The following OTOF variants were observed in gnomAD, a reference collection of about 807,000 sequenced individuals.
OTOF encodes the protein otoferlin.
Under a neutral mutation model 236.8 loss-of-function variants are expected in OTOF, and 218 were observed. The ratio of observed to expected loss-of-function variants is 0.92; its 90% CI spans 0.82 to 1.03. The LOEUF (loss-of-function observed/expected upper bound fraction) is 1.03, where lower values mean the gene tolerates loss of function less well. Among genes scored for constraint, OTOF ranks in the 50% least tolerant of loss-of-function variants. OTOF has a pLI of 0.00. For missense variants in OTOF, 2,590 were observed against 2,694.4 expected (o/e 0.96, Z 0.86); for synonymous variants, 1,041 against 1,072.5 (o/e 0.97, Z 0.57).
Position 26,477,270 on chromosome 2 carries a change from C to A in OTOF, c.2425G>T (p.Ala809Ser). 6.2e-7 allele frequency: 1 copy of A among 1,609,264 alleles called. No homozygotes were observed. Residue 809 changes from alanine (A) to serine (S), a missense_variant, in exon 21 of 47, where the codon GCC becomes TCC. Physicochemically the swap from Ala to Ser is moderately conservative, Grantham distance 99. Coordinates refer to ENST00000272371, the MANE Select transcript of OTOF (RefSeq NM_194248.3). This position sits in a 1 kb window ranked among gnomAD's most constrained non-coding sequence, Gnocchi z 4.7. ...TTCACCTGGGCCCGCAGCATCCTGG[C>A]CTGCTGCCCCATGTTTTCCTGCGAA... Reference protein sequence around the residue: ...MRELENMGQQARMLRAQVKRH... With the variant: ...MRELENMGQQSRMLRAQVKRH...
Position 26,470,930 on chromosome 2 carries a change from G to A in OTOF, c.3894+191C>T, listed in dbSNP as rs1373064373. On this transcript the variant is annotated intron_variant, in intron 31 of 46. Coordinates refer to ENST00000272371, the MANE Select transcript of OTOF (RefSeq NM_194248.3). This position sits in a 1 kb window ranked among gnomAD's most constrained non-coding sequence, Gnocchi z 4.3. ...TGTGACCTGCCAGTGCGATCCACTCGCCCAAGCAGGACTGGCACCGAGTCC... is the reference window on the plus strand; with the variant it reads ...TGTGACCTGCCAGTGCGATCCACTCACCCAAGCAGGACTGGCACCGAGTCC... Among the ~76,000 whole-genome samples the A allele has an allele frequency of 6.6e-6, 1 of 152,088 alleles. No homozygotes were observed. The highest frequency in any genetic ancestry group is 1.9e-4 in the East Asian group (1 of 5,186).
intron 3 of OTOF, among the ~76,000 whole-genome samples, chr2:26,524,776 A>C (rs1019400603): frequency 1.3e-5 from 2 of 152,216 alleles, no homozygotes; most frequent in African/African-American, 4.8e-5. Flanking sequence ...AAGTTAACAG[A>C]CATGCATTCT....
Position 26,462,318 on chromosome 2 carries a change from A to C in OTOF, c.5193-137T>G. 1 of 630,668 alleles carries C rather than the reference A, an allele frequency of 1.6e-6. No individual in the cohort carries two copies. Among genetic ancestry groups the C allele is most frequent in the Non-Finnish European group, 2.8e-6 (1 of 351,708 alleles). The allele number at this position is 630,668 out of a possible 1,614,324, so 39.1% of individuals were successfully genotyped here. Reference sequence around the variant, plus strand: ...AGGGCCTGGGCCAGGCTGGGGCTGGAGGAGTGGTTTGGGGTTGGGGGAGCA... The same window carrying C: ...AGGGCCTGGGCCAGGCTGGGGCTGGCGGAGTGGTTTGGGGTTGGGGGAGCA... On this transcript the variant is annotated intron_variant, in intron 41 of 46. Coordinates refer to ENST00000272371, the MANE Select transcript of OTOF (RefSeq NM_194248.3). The surrounding 1 kb of genome is among the most constrained non-coding windows in gnomAD (Gnocchi z 4.7).
chr2:26,458,243 C>T (rs1204582731), intron 46 of OTOF, 23 bp from the exon 47 acceptor site: 6 of 1,557,762 alleles, frequency 3.9e-6, no homozygotes, highest in African/African-American at 1.4e-5. Flanking sequence ...AGAGAGGAGC[C>T]GGTCAGCCAG....
At position 26,477,861 on chromosome 2, in the gene OTOF, C is replaced by T. The variant is rs1037666752; in HGVS notation, c.2215-112G>A. The T allele has an allele frequency of 3.2e-6, 5 of 1,555,888 alleles. No homozygotes were observed. Among genetic ancestry groups the T allele is most frequent in the Non-Finnish European group, 4.3e-6 (5 of 1,149,940 alleles). On this transcript the variant is annotated intron_variant, in intron 18 of 46. Coordinates refer to ENST00000272371, the MANE Select transcript of OTOF (RefSeq NM_194248.3). The surrounding 1 kb of genome is among the most constrained non-coding windows in gnomAD (Gnocchi z 4.7). ...TGAGGGACCTCATGATCTGGGAGCTCTCGCTAGGGCCATCCTGAGTATCGG... is the reference window on the plus strand; with the variant it reads ...TGAGGGACCTCATGATCTGGGAGCTTTCGCTAGGGCCATCCTGAGTATCGG...
At chr2:26,554,857 A>G (rs908900939) in intron 1 of OTOF, among the ~76,000 whole-genome samples, 1 of 152,172 alleles carries the variant, frequency 6.6e-6, no homozygotes, top group African/African-American at 2.4e-5. Flanking sequence ...AGCCACAGTG[A>G]ATTATGTGGA....
In OTOF at chr2:26,477,144, G is replaced by A; in HGVS notation, c.2523+28C>T. 2 of 1,600,324 alleles carry A rather than the reference G, an allele frequency of 1.2e-6. No individual in the cohort carries two copies. Among genetic ancestry groups the A allele is most frequent in the South Asian group, 2.2e-5 (2 of 90,166 alleles). On this transcript the variant is annotated intron_variant, in intron 21 of 46. Transcript: ENST00000272371. This position sits in a 1 kb window ranked among gnomAD's most constrained non-coding sequence, Gnocchi z 4.7. ...GCCCCAGAGAGCCAGCCCTGGATGA[G>A]GCAAAGCCCCGACCCCTTGGGCCGC... is the stretch of plus-strand genomic sequence containing the variant.
rs1558485843 is a variant in OTOF at position 26,477,522 on chromosome 2, GC to G, written c.2316-17del. 1.9e-6 allele frequency: 3 copies of G among 1,599,134 alleles called. No individual in the cohort carries two copies. The South Asian group carries it at 3.4e-5, about 18-fold the overall frequency. ...GAGGAAGCGGCTGGGGGTAGGGCGA[GC>G]CGGGGTTTAGCGAGCCTGACCAGCA... On this transcript the variant is annotated splice_polypyrimidine_tract_variant and intron_variant, in intron 19 of 46. Transcript: ENST00000272371. This position sits in a 1 kb window ranked among gnomAD's most constrained non-coding sequence, Gnocchi z 4.7.
chr2:26,545,563 T>C (rs1667311416), intron 1 of OTOF, among the ~76,000 whole-genome samples: 1 of 152,174 alleles, frequency 6.6e-6, no homozygotes, highest in African/African-American at 2.4e-5. Context: ...TGCAAGTTTT[T>C]AGTGAAATTT....
intron 1 of OTOF, among the ~76,000 whole-genome samples, chr2:26,555,012 C>A (rs2148139873): frequency 6.6e-6 from 1 of 152,274 alleles, no homozygotes; most frequent in African/African-American, 2.4e-5. Flanking sequence ...CCTTACAGTC[C>A]AGGTCCCCCA....
At position 26,477,162 on chromosome 2, in the gene OTOF, T is replaced by C. The variant is rs1166948560; in HGVS notation, c.2523+10A>G. On this transcript the variant is annotated intron_variant, in intron 21 of 46. Coordinates refer to ENST00000272371, the MANE Select transcript of OTOF (RefSeq NM_194248.3). The surrounding 1 kb of genome is among the most constrained non-coding windows in gnomAD (Gnocchi z 4.7). ...TGGATGAGGCAAAGCCCCGACCCCT[T>C]GGGCCGCACCTCGTCCGCCAGGAAG... 1.9e-6 allele frequency: 3 copies of C among 1,607,906 alleles called. No individual in the cohort carries two copies. The highest frequency in any genetic ancestry group is 2.5e-6 in the Non-Finnish European group (3 of 1,178,296).
At chr2:26,513,492 G>C (rs1484383296) in intron 5 of OTOF, among the ~76,000 whole-genome samples, 1 of 152,132 alleles carries the variant, frequency 6.6e-6, no homozygotes, top group African/African-American at 2.4e-5. Context: ...TGCCCACTCA[G>C]TCTACCTCCC....
chr2:26,479,605 C>A lies in OTOF; in HGVS notation c.1961G>T (p.Arg654Leu). ...VDGLSRPQRP[R>L]PRKEPGDEEE... is the part of the protein sequence containing the mutation. The stretch of plus-strand genomic sequence containing the variant: ...CTCATCCCCCGGCTCCTTCCGGGGC[C>A]GAGGCCGCTGGGGCCGGGACAGGCC... The change falls in exon 17 of 47, where the codon CGG becomes CTG. Residue 654 changes from arginine to leucine, a missense_variant. Physicochemically the swap from Arg to Leu is moderately radical, Grantham distance 102. Coordinates refer to ENST00000272371, the MANE Select transcript of OTOF (RefSeq NM_194248.3). 1 of 1,612,424 alleles carries A rather than the reference C, an allele frequency of 6.2e-7. No individual in the cohort carries two copies. Among genetic ancestry groups the A allele is most frequent in the Non-Finnish European group, 8.5e-7 (1 of 1,179,722 alleles).
At chr2:26,536,521 C>T (rs893991945) in intron 2 of OTOF, among the ~76,000 whole-genome samples, 2 of 152,076 alleles carry the variant, frequency 1.3e-5, no homozygotes, top group African/African-American at 2.4e-5. Flanking sequence ...GAGTGAGGAG[C>T]GAGGTTTTGC....
chr2:26,552,368 C>T (rs535755972), intron 1 of OTOF, among the ~76,000 whole-genome samples: 46 of 152,002 alleles, frequency 3.0e-4, no homozygotes, highest in East Asian at 1.9e-3. Flanking sequence ...CCAGCGTGGG[C>T]GACAGAAAAA....
intron 9 of OTOF, among the ~76,000 whole-genome samples, chr2:26,493,640 T>C (rs1665902070): frequency 1.3e-5 from 2 of 152,170 alleles, no homozygotes; most frequent in Non-Finnish European, 1.5e-5. Flanking sequence ...ACACGGCTCA[T>C]GCACCTAGAA....
chr2:26,524,166 G>T (rs759514577), intron 3 of OTOF, among the ~76,000 whole-genome samples: 17 of 152,234 alleles, frequency 1.1e-4, no homozygotes, highest in Non-Finnish European at 4.4e-5. Context: ...GGAGAGTTAG[G>T]ATAGGAACTA....
intron 9 of OTOF, among the ~76,000 whole-genome samples, chr2:26,491,728 C>T (rs1199464726): frequency 6.6e-6 from 1 of 152,170 alleles, no homozygotes; most frequent in East Asian, 1.9e-4. Context: ...TGTGAATGGC[C>T]AGCTTGTTCC....
At chr2:26,472,445 A>T (rs561178632) in intron 30 of OTOF, 74 bp downstream of exon 30, 9 of 1,580,864 alleles carry the variant, frequency 5.7e-6, no homozygotes, top group Non-Finnish European at 8.7e-7. Flanking sequence ...CGGGGCAGAT[A>T]GTCTGGTTCA....
Sources: gnomAD v4.1 joint callset for allele counts (sites outside exome capture counted in the v4.1 genomes callset) on GRCh38, gnomAD v4.1.1 for gene constraint, Gnocchi (gnomAD v3.1) non-coding constraint, MANE v1.5 for transcripts, NCBI Gene and HGNC (gene_info 2026-07-23, HGNC 2026-07-21) for gene names.